SMOC2: variants seen among roughly 807,000 people sequenced by gnomAD.
The protein encoded by SMOC2 is SPARC-related modular calcium-binding protein 2.
A neutral mutation model predicts 61.4 loss-of-function variants in SMOC2; 39 were observed. That is an observed-to-expected ratio of 0.64 (90% CI 0.49 to 0.83). SMOC2 has a LOEUF of 0.83. Ranked by LOEUF, SMOC2 falls within the 40% of genes least tolerant of loss-of-function variation. The probability of loss-of-function intolerance (pLI) is 0.00; values close to 1 mark genes in which losing one functional copy is unlikely to be tolerated. For synonymous variants in SMOC2, 247 were observed against 239.9 expected (o/e 1.03, Z -0.27); for missense variants, 556 against 592.9 (o/e 0.94, Z 0.65).
rs188332778 is a variant in SMOC2, at chr6:168,553,224, A to C, written c.637+4021A>C. ...CACTTTCATCATGTGAATCATATAC[A>C]TTAAATAAACGAGTAAAATCTGAAG... On this transcript the variant is annotated intron_variant, in intron 7 of 12. Coordinates refer to ENST00000356284, the MANE Select transcript of SMOC2 (RefSeq NM_001166412.2). The surrounding 1 kb of genome is among the most constrained non-coding windows in gnomAD (Gnocchi z 4.2). Among the ~76,000 whole-genome samples, 72 of 152,332 alleles carry C rather than the reference A, an allele frequency of 4.7e-4. 2 individuals are homozygous for C. The East Asian group carries it at 0.013, about 27-fold the overall frequency.
In SMOC2 at chr6:168,548,351, C is replaced by CTTTT. The variant is rs758386557; in HGVS notation, c.563-763_563-760dup. 3.9e-4 allele frequency among the ~76,000 whole-genome samples: 49 copies of CTTTT among 127,160 alleles called. 1 individual carries two copies. The highest frequency in any genetic ancestry group is 1.4e-3 in the African/African-American group (44 of 32,266). The allele number at this position is 127,160 out of a possible 152,430, so 83.4% of individuals were successfully genotyped here. A position where few individuals can be genotyped will look rare whatever the true frequency, so the allele number is the denominator to read the frequency against. On this transcript the variant is annotated intron_variant, in intron 6 of 12. Transcript: ENST00000356284. ...ACTAACGGTGACCTGCACTACATTC[C>CTTTT]TTTTTTTTTTTTTTTTTTGTGAGAC...
chr6:168,606,083 C>T (rs1011463399), intron 8 of SMOC2, among the ~76,000 whole-genome samples: 11 of 152,144 alleles, frequency 7.2e-5, no homozygotes, highest in African/African-American at 1.2e-4. Flanking sequence ...AAATTTAACA[C>T]GCATAAGTAA....
At chr6:168,614,246 C>G (rs1190082076) in intron 9 of SMOC2, among the ~76,000 whole-genome samples, 2 of 75,602 alleles carry the variant, frequency 2.6e-5, no homozygotes, top group Non-Finnish European at 5.3e-5. Flanking sequence ...CCTCTTCACA[C>G]CTACAGCCAG....
At chr6:168,642,265 G>A (rs1786908991) in intron 9 of SMOC2, among the ~76,000 whole-genome samples, 1 of 152,210 alleles carries the variant, frequency 6.6e-6, no homozygotes, top group Non-Finnish European at 1.5e-5. Context: ...ACAGAAGTGA[G>A]GCACAGAACC....
At chr6:168,656,908 C>T (rs1230498820) in intron 11 of SMOC2, among the ~76,000 whole-genome samples, 3 of 152,258 alleles carry the variant, frequency 2.0e-5, no homozygotes, top group Non-Finnish European at 2.9e-5. Flanking sequence ...CGCCTCCCTT[C>T]GCTCTGTATG....
chr6:168,492,464 C>G (rs1363401654), intron 1 of SMOC2, among the ~76,000 whole-genome samples: 1 of 152,264 alleles, frequency 6.6e-6, no homozygotes, highest in Non-Finnish European at 1.5e-5. Flanking sequence ...TTGATCAAAT[C>G]TGACCAATCT....
chr6:168,544,164 G>A lies in SMOC2; in HGVS notation c.511+492G>A, dbSNP rs147850339. The stretch of plus-strand genomic sequence containing the variant: ...CTTAAACATCATGTCGCAGCCTGCA[G>A]GTCCTGTTTCGGGGTCTGCGGGGTC... On this transcript the variant is annotated intron_variant, in intron 5 of 12. Coordinates refer to ENST00000356284, the MANE Select transcript of SMOC2 (RefSeq NM_001166412.2). The surrounding 1 kb of genome is among the most constrained non-coding windows in gnomAD (Gnocchi z 4.1). Among the ~76,000 whole-genome samples, 1 of 152,280 alleles carries A rather than the reference G, an allele frequency of 6.6e-6. No homozygotes were observed. The highest frequency in any genetic ancestry group is 1.9e-4 in the East Asian group (1 of 5,174).
Position 168,598,732 on chromosome 6 carries a change from GCAGTTCTCTGTGGC to G in SMOC2, c.638-84_638-71del. 2.0e-6 allele frequency: 3 copies of G among 1,466,272 alleles called. No individual in the cohort carries two copies. The South Asian group carries it at 3.7e-5, about 18-fold the overall frequency. The allele number at this position is 1,466,272 out of a possible 1,614,324, so 90.8% of individuals were successfully genotyped here. On this transcript the variant is annotated intron_variant, in intron 7 of 12. Coordinates refer to ENST00000356284, the MANE Select transcript of SMOC2 (RefSeq NM_001166412.2). ...GTGAAGGAGGACCACATCGTTCTTG[GCAGTTCTCTGTGGC>G]CTCCCAAGAGCTCTGCATGTGGGAC... is the stretch of plus-strand genomic sequence containing the variant.
At chr6:168,456,751 G>C (rs1311954900) in intron 1 of SMOC2, among the ~76,000 whole-genome samples, 1 of 152,178 alleles carries the variant, frequency 6.6e-6, no homozygotes, top group Non-Finnish European at 1.5e-5. Context: ...GTTAACAGGA[G>C]GAGAAGGTGG....
chr6:168,521,244 G>A (rs1404098155), intron 2 of SMOC2, among the ~76,000 whole-genome samples: 2 of 152,030 alleles, frequency 1.3e-5, no homozygotes, highest in African/African-American at 4.8e-5. Flanking sequence ...CACCTCCCAG[G>A]TTCATGTGAT....
intron 5 of SMOC2, among the ~76,000 whole-genome samples, chr6:168,546,365 T>C (rs6926625): frequency 0.14 from 21,005 of 150,652 alleles, 4,210 homozygotes; most frequent in African/African-American, 0.45. Flanking sequence ...ACTCACAGGC[T>C]CCACCATCCT....
In SMOC2 at chr6:168,475,001, A is replaced by G. The variant is rs571941858; in HGVS notation, c.84+33547A>G. On this transcript the variant is annotated intron_variant, in intron 1 of 12. Transcript: ENST00000356284. The surrounding 1 kb of genome is among the most constrained non-coding windows in gnomAD (Gnocchi z 4.6). ...CTCATCTAGAACTAAGGATTCCGAT[A>G]CATTTTTGAGGAGAAAGAAGAAAAA... Among the ~76,000 whole-genome samples, 22 of 152,278 alleles carry G rather than the reference A, an allele frequency of 1.4e-4. No homozygotes were observed. The South Asian group carries it at 4.6e-3, about 32-fold the overall frequency.
In SMOC2 at chr6:168,653,180, C is replaced by G. The variant is rs1407877489; in HGVS notation, c.1237C>G (p.Leu413Val). ...SISVQELMGCLGVAKEDGKAD... is the reference protein window; with the variant it reads ...SISVQELMGCVGVAKEDGKAD... ...CTCCGTACAAGAACTGATGGGCTGC[C>G]TGGGCGTGGCGAAAGAGGACGGCAA... The change falls in exon 11 of 13, where the codon CTG becomes GTG. Residue 413 changes from leucine to valine, a missense_variant. By Grantham distance (32) the Leu-to-Val change is conservative. Transcript: ENST00000356284. The G allele has an allele frequency of 6.2e-7, 1 of 1,614,154 alleles. No individual in the cohort carries two copies. Among genetic ancestry groups the G allele is most frequent in the South Asian group, 1.1e-5 (1 of 91,084 alleles).
Position 168,608,161 on chromosome 6 carries a change from G to C in SMOC2, c.829G>C (p.Glu277Gln), listed in dbSNP as rs780524330. The change falls in exon 9 of 13, where the codon GAG becomes CAG. Residue 277 changes from glutamate to glutamine, a missense_variant. Physicochemically the swap from Glu to Gln is conservative, Grantham distance 29. Transcript: ENST00000356284. ...RPIPGTSTRY[E>Q]QPKCDNTARA... ...CCGCCTTCCCCCCGCCCATAGGTAC[G>C]AGCAGCCGAAATGTGACAACACGGC... 5 of 1,613,476 alleles carry C rather than the reference G, an allele frequency of 3.1e-6. No homozygotes were observed. In the East Asian group the frequency reaches 8.9e-5, roughly 29 times the overall value.
intron 7 of SMOC2, among the ~76,000 whole-genome samples, chr6:168,582,633 T>G (rs915594192): frequency 6.6e-6 from 1 of 152,188 alleles, no homozygotes; most frequent in Non-Finnish European, 1.5e-5. Context: ...TTGGAGGCAC[T>G]GGAAGCTTTC....
chr6:168,652,270 A>G (rs1464317935), intron 10 of SMOC2, among the ~76,000 whole-genome samples: 1 of 152,172 alleles, frequency 6.6e-6, no homozygotes, highest in Non-Finnish European at 1.5e-5. Context: ...AGGTTGAGAA[A>G]TTGGCAATGG....
chr6:168,505,744 C>T (rs1188631108), intron 1 of SMOC2, among the ~76,000 whole-genome samples: 1 of 152,184 alleles, frequency 6.6e-6, no homozygotes, highest in East Asian at 1.9e-4. Context: ...AAGAGTAGGA[C>T]CCTGTTTTCT....
chr6:168,603,354 G>A (rs12175141), intron 8 of SMOC2, among the ~76,000 whole-genome samples: 26,095 of 150,154 alleles, frequency 0.17, 2,411 homozygotes, highest in East Asian at 0.32. Flanking sequence ...CAGATGGGGA[G>A]CAGCTGGTGG....
intron 1 of SMOC2, among the ~76,000 whole-genome samples, chr6:168,448,462 G>A (rs542309418): frequency 2.2e-4 from 33 of 150,580 alleles, no homozygotes; most frequent in Non-Finnish European, 4.1e-4. Flanking sequence ...GGAGGAGGAC[G>A]GAGATGGCAA....
Sources: gnomAD v4.1 joint callset for allele counts (sites outside exome capture counted in the v4.1 genomes callset) on GRCh38, gnomAD v4.1.1 for gene constraint, Gnocchi (gnomAD v3.1) non-coding constraint, MANE v1.5 for transcripts, NCBI Gene and HGNC (gene_info 2026-07-23, HGNC 2026-07-21) for gene names.